TNNI3K: variants seen among roughly 807,000 people sequenced by gnomAD.
The protein encoded by TNNI3K is serine/threonine-protein kinase TNNI3K.
Under a neutral mutation model 114.5 loss-of-function variants are expected in TNNI3K, and 140 were observed. The observed-to-expected ratio is 1.22, with a 90% CI of 1.07 to 1.41. TNNI3K has a LOEUF of 1.41. Ranked by LOEUF, TNNI3K falls within the 40% of genes most tolerant of loss-of-function variation. TNNI3K has a pLI of 0.00. For missense variants in TNNI3K, 1,125 were observed against 1,007.6 expected, an observed-to-expected ratio of 1.12 and a Z score of -1.58; for synonymous variants, 347 against 347.5, an observed-to-expected ratio of 1.00 and a Z score of 0.02.
chr1:74,489,244 T>G lies in TNNI3K; in HGVS notation c.2177T>G (p.Ile726Ser), dbSNP rs1279580722. 6.2e-7 allele frequency: 1 copy of G among 1,611,024 alleles called. No individual in the cohort carries two copies. Among genetic ancestry groups the G allele is most frequent in the Non-Finnish European group, 8.5e-7 (1 of 1,178,756 alleles). ...AAGTTAGAAGAGTGTCTCTGCAACA[T>G]TGAGGTAAAAGCTTTAGCTTCTGAA... ...VMKLEECLCN[I>S]ELMSPASSNS... The change falls in exon 22 of 25, where the codon ATT becomes AGT. Residue 726 changes from isoleucine to serine, a missense_variant. Ile to Ser is a moderately radical substitution (Grantham distance 142, BLOSUM62 -2). Coordinates refer to ENST00000326637, the MANE Select transcript of TNNI3K (RefSeq NM_015978.3).
At chr1:74,289,310 T>C (rs1657524647) in intron 5 of TNNI3K, among the ~76,000 whole-genome samples, 1 of 151,980 alleles carries the variant, frequency 6.6e-6, no homozygotes, top group African/African-American at 2.4e-5. Context: ...TTAAAAATTT[T>C]TGTTTAAAAC....
intron 2 of TNNI3K, among the ~76,000 whole-genome samples, chr1:74,241,905 A>T (rs1654248230): frequency 6.8e-6 from 1 of 146,336 alleles, no homozygotes; most frequent in African/African-American, 2.6e-5. Flanking sequence ...GCTGGAGTGC[A>T]GTGGCGCGAT....
At chr1:74,510,762 T>C (rs945039871) in intron 23 of TNNI3K, among the ~76,000 whole-genome samples, 1 of 152,238 alleles carries the variant, frequency 6.6e-6, no homozygotes, top group Non-Finnish European at 1.5e-5. Context: ...ATTAATCAAC[T>C]AGCTCACAAA....
rs202017687 is a variant in TNNI3K at position 74,492,169 on chromosome 1, C to T, written c.2254C>T (p.Arg752Trp). ...TTCTTCTTCTGATTGCCTGGTGAACCGGGGAGGACCTGGCCGGAGTCATGT... is the reference window on the plus strand; with the variant it reads ...TTCTTCTTCTGATTGCCTGGTGAACTGGGGAGGACCTGGCCGGAGTCATGT... ...PSSSSDCLVN[R>W]GGPGRSHVAA... The change falls in exon 23 of 25, where the codon CGG (arginine) becomes TGG (tryptophan). Residue 752 changes from arginine to tryptophan, a missense_variant. Arg to Trp is a moderately radical substitution (Grantham distance 101). Transcript: ENST00000326637. 67 of 1,612,802 alleles carry T rather than the reference C, an allele frequency of 4.2e-5. No individual in the cohort carries two copies. Among genetic ancestry groups the T allele is most frequent in the Middle Eastern group, 1.6e-4 (1 of 6,062 alleles).
chr1:74,508,400 G>GT (rs1330581889), intron 23 of TNNI3K, among the ~76,000 whole-genome samples: 1 of 152,136 alleles, frequency 6.6e-6, no homozygotes, highest in African/African-American at 2.4e-5. Flanking sequence ...AATAAAGAAG[G>GT]TATTATGATT....
intron 23 of TNNI3K, among the ~76,000 whole-genome samples, chr1:74,509,812 G>A: frequency 9.1e-6 from 1 of 109,290 alleles, no homozygotes; most frequent in East Asian, 3.0e-4. Flanking sequence ...CAGTACAGTT[G>A]TGCGATTATG....
chr1:74,445,612 C>CTTT (rs773728606), intron 20 of TNNI3K, among the ~76,000 whole-genome samples: 7 of 131,470 alleles, frequency 5.3e-5, no homozygotes, highest in Non-Finnish European at 6.4e-5. Context: ...TCTTTTTTTT[C>CTTT]TTTTTTTCTT....
intron 5 of TNNI3K, among the ~76,000 whole-genome samples, chr1:74,281,318 TCACC>T (rs1392125596): frequency 7.5e-6 from 1 of 133,178 alleles, no homozygotes. Context: ...GATTATACTA[TCACC>T]CACAATAATA....
At chr1:74,509,747 C>CTTT (rs68193106) in intron 23 of TNNI3K, among the ~76,000 whole-genome samples, 12 of 47,814 alleles carry the variant, frequency 2.5e-4, no homozygotes, top group Admixed American at 3.7e-4. Context: ...ATCTGAATTT[C>CTTT]TTTTTTTTTT....
intron 17 of TNNI3K, chr1:74,375,102 G>T (rs1236904490): frequency 1.3e-5 from 2 of 153,898 alleles, no homozygotes; most frequent in African/African-American, 4.8e-5. Context: ...CATGAAATAT[G>T]TATATGAAAT....
At chr1:74,449,258 T>G (rs1298812980) in intron 20 of TNNI3K, among the ~76,000 whole-genome samples, 2 of 151,768 alleles carry the variant, frequency 1.3e-5, no homozygotes, top group Non-Finnish European at 2.9e-5. Flanking sequence ...CGTAGAGGTG[T>G]TTGTAGTATT....
chr1:74,308,102 C>T (rs1212685979), intron 5 of TNNI3K, among the ~76,000 whole-genome samples: 2 of 151,852 alleles, frequency 1.3e-5, no homozygotes, highest in African/African-American at 4.8e-5. Flanking sequence ...CATTAGACAG[C>T]TCATCAAGGC....
rs143401527 is a variant in TNNI3K, at chr1:74,398,202, G to A, written c.1772+27810G>A. Among the ~76,000 whole-genome samples the A allele has an allele frequency of 3.3e-4, 50 of 152,290 alleles. No homozygotes were observed. In the East Asian group the frequency reaches 7.0e-3, roughly 21 times the overall value. On this transcript the variant is annotated intron_variant, in intron 17 of 24. Coordinates refer to ENST00000326637, the MANE Select transcript of TNNI3K (RefSeq NM_015978.3). Reference sequence around the variant, plus strand: ...GCCTAATCCCAGATATTCCTAGGATGGTATTCAGACCCTAATTTTCTAAAA... The same window carrying A: ...GCCTAATCCCAGATATTCCTAGGATAGTATTCAGACCCTAATTTTCTAAAA...
intron 17 of TNNI3K, among the ~76,000 whole-genome samples, chr1:74,434,125 C>T (rs1557563078): frequency 6.6e-6 from 1 of 151,936 alleles, no homozygotes; most frequent in Admixed American, 6.6e-5. Context: ...GATTTCAGAG[C>T]ATTAAAATAT....
intron 5 of TNNI3K, among the ~76,000 whole-genome samples, chr1:74,277,761 T>C (rs760217394): frequency 6.6e-6 from 1 of 152,210 alleles, no homozygotes; most frequent in Non-Finnish European, 1.5e-5. Flanking sequence ...CAATGTGTAA[T>C]GTATAGAGGT....
intron 21 of TNNI3K, chr1:74,469,588 T>C (rs1316406143): frequency 7.8e-6 from 2 of 257,646 alleles, no homozygotes; most frequent in Non-Finnish European, 1.4e-5. Context: ...CTTTTTTTTT[T>C]TCAATGTTTG....
chr1:74,533,120 G>A (rs1646611993), intron 23 of TNNI3K, among the ~76,000 whole-genome samples: 1 of 152,168 alleles, frequency 6.6e-6, no homozygotes, highest in Non-Finnish European at 1.5e-5. Context: ...CCGTCAGAGT[G>A]AACAGGCAAC....
chr1:74,535,214 C>A (rs1488837229), intron 23 of TNNI3K, among the ~76,000 whole-genome samples: 1 of 152,130 alleles, frequency 6.6e-6, no homozygotes, highest in East Asian at 1.9e-4. Context: ...CTGTGGCTCA[C>A]ACCTGTAATC....
At chr1:74,543,801 T>C (rs1646756205) in intron 24 of TNNI3K, 105 bp from the exon 25 acceptor site, 1 of 1,275,458 alleles carries the variant, frequency 7.8e-7, no homozygotes. Flanking sequence ...CCAGATTGTC[T>C]GTTCACATGA....
Sources: gnomAD v4.1 joint callset for allele counts (sites outside exome capture counted in the v4.1 genomes callset) on GRCh38, gnomAD v4.1.1 for gene constraint, MANE v1.5 for transcripts, NCBI Gene and HGNC (gene_info 2026-07-23, HGNC 2026-07-21) for gene names.